The following HERC3 variants were observed in gnomAD, a reference collection of about 807,000 sequenced individuals.
The protein encoded by HERC3 is HECT and RLD domain containing E3 ubiquitin protein ligase 3.
HERC3 carries 58 observed loss-of-function variants against 129.9 expected under a neutral mutation model. That is an observed-to-expected ratio of 0.45 (90% CI 0.36 to 0.56). HERC3 has a LOEUF of 0.56. Ranked by LOEUF, HERC3 falls within the 20% of genes least tolerant of loss-of-function variation. The pLI is 0.00. For missense variants in HERC3, 835 were observed against 1,244.2 expected, an observed-to-expected ratio of 0.67 and a Z score of 4.95; for synonymous variants, 430 against 451.0, an observed-to-expected ratio of 0.95 and a Z score of 0.59.
chr4:88,708,373 C>T lies in HERC3; in HGVS notation c.*1413C>T, dbSNP rs1405368982. ...CTTGATGAAGGATTGTAGATTTTTG[C>T]TTTTTCTTTTTGTTTTTAAAACTTA... On this transcript the variant is annotated 3_prime_UTR_variant, in exon 26 of 26. Coordinates refer to ENST00000402738, the MANE Select transcript of HERC3 (RefSeq NM_014606.3). 6.6e-6 allele frequency: 1 copy of T among 152,272 alleles called. No homozygotes were observed. Among genetic ancestry groups the T allele is most frequent in the African/African-American group, 2.4e-5 (1 of 41,340 alleles). 9.4% of individuals were successfully genotyped at this position (152,272 alleles called of 1,614,324 possible). A position where few individuals can be genotyped will look rare whatever the true frequency, so the allele number is the denominator to read the frequency against.
intron 12 of HERC3, among the ~76,000 whole-genome samples, chr4:88,666,356 T>A (rs1208439620): frequency 2.0e-5 from 3 of 152,162 alleles, no homozygotes; most frequent in African/African-American, 7.2e-5. Context: ...TGTTTTTGTT[T>A]TCTCAACAGC....
intron 3 of HERC3, among the ~76,000 whole-genome samples, chr4:88,616,777 A>C (rs772949288): frequency 4.6e-5 from 7 of 152,056 alleles, no homozygotes; most frequent in Non-Finnish European, 8.8e-5. Context: ...CAATGAGTAA[A>C]ATTTATCATC....
intron 3 of HERC3, among the ~76,000 whole-genome samples, chr4:88,610,967 C>T (rs567987658): frequency 1.3e-5 from 2 of 152,322 alleles, no homozygotes; most frequent in African/African-American, 4.8e-5. Context: ...ATCCTGCAGA[C>T]GCCCTCCCCA....
At chr4:88,576,525 G>A in the HERC3 span, among the ~76,000 whole-genome samples, 1 of 152,090 alleles carries the variant, frequency 6.6e-6, no homozygotes, top group South Asian at 2.1e-4. Context: ...CTCTCCCAGG[G>A]ATGCTCTTCT....
chr4:88,670,432 T>C (rs763607376), intron 16 of HERC3, among the ~76,000 whole-genome samples, 180 bp downstream of exon 16: 2 of 152,212 alleles, frequency 1.3e-5, no homozygotes, highest in Admixed American at 6.5e-5. Flanking sequence ...TAAGGAGTCA[T>C]AAATGAGTAG....
At chr4:88,649,327 G>A (rs1017084485) in intron 3 of HERC3, among the ~76,000 whole-genome samples, 3 of 152,146 alleles carry the variant, frequency 2.0e-5, no homozygotes, top group African/African-American at 7.2e-5. Flanking sequence ...CCCAGAGAGA[G>A]ATCCTTCTGT....
chr4:88,551,121 T>C, the HERC3 span, among the ~76,000 whole-genome samples: 1 of 150,970 alleles, frequency 6.6e-6, no homozygotes, highest in Non-Finnish European at 1.5e-5. Flanking sequence ...TTACACCTTA[T>C]ACAAAAATTA....
At chr4:88,688,327 G>A (rs1003498741) in intron 23 of HERC3, among the ~76,000 whole-genome samples, 2 of 152,148 alleles carry the variant, frequency 1.3e-5, no homozygotes, top group Non-Finnish European at 2.9e-5. Context: ...CTTGAACGGC[G>A]CTTGGAGTAG....
intron 2 of HERC3, among the ~76,000 whole-genome samples, chr4:88,601,430 GA>G (rs1263406131): frequency 6.6e-6 from 1 of 152,210 alleles, no homozygotes; most frequent in Non-Finnish European, 1.5e-5. Flanking sequence ...TATCTTGGGA[GA>G]AAAGAGTTTG....
the HERC3 span, among the ~76,000 whole-genome samples, chr4:88,538,208 A>G: frequency 2.6e-5 from 4 of 152,202 alleles, no homozygotes; most frequent in Admixed American, 6.5e-5. Context: ...CATCGCAGTA[A>G]AGGAACCATG....
At chr4:88,698,685 C>T (rs562975046) in intron 23 of HERC3, among the ~76,000 whole-genome samples, 82 of 151,630 alleles carry the variant, frequency 5.4e-4, no homozygotes, top group African/African-American at 1.8e-3. Flanking sequence ...TCCCCCAACA[C>T]CGTCTGCTTC....
At chr4:88,548,298 A>G in the HERC3 span, among the ~76,000 whole-genome samples, 2 of 152,168 alleles carry the variant, frequency 1.3e-5, no homozygotes, top group Non-Finnish European at 2.9e-5. Context: ...CGGCTGCACC[A>G]TTTTATCTCT....
chr4:88,704,116 T>C lies in HERC3; in HGVS notation c.2676T>C (p.Ala892=). ...CKDNRQEFVD[A]YVNYVFQISV... is the part of the protein sequence containing the mutation. Reference sequence around the variant, plus strand: ...CTGGCAGGCAGGAATTTGTGGATGCTTATGTGAATTATGTCTTCCAAATCT... The same window carrying C: ...CTGGCAGGCAGGAATTTGTGGATGCCTATGTGAATTATGTCTTCCAAATCT... The change falls in exon 24 of 26, where the codon GCT becomes GCC. Residue 892 remains alanine (A), a synonymous_variant. Transcript: ENST00000402738. 6.2e-7 allele frequency: 1 copy of C among 1,613,880 alleles called. No individual in the cohort carries two copies. Among genetic ancestry groups the C allele is most frequent in the Non-Finnish European group, 8.5e-7 (1 of 1,179,914 alleles).
chr4:88,590,887 CT>C (rs11333423), upstream of HERC3, among the ~76,000 whole-genome samples: 18,089 of 137,554 alleles, frequency 0.13, 1,587 homozygotes, highest in African/African-American at 0.27. Flanking sequence ...CTTTTTCTTT[CT>C]TTTTTTTTTT....
At chr4:88,626,519 G>T (rs1210200789) in intron 3 of HERC3, among the ~76,000 whole-genome samples, 2 of 152,100 alleles carry the variant, frequency 1.3e-5, no homozygotes, top group African/African-American at 2.4e-5. Context: ...AAAATGGTAT[G>T]TTCAAGGTAT....
chr4:88,700,961 A>G (rs1011996804), intron 23 of HERC3, among the ~76,000 whole-genome samples: 1 of 152,178 alleles, frequency 6.6e-6, no homozygotes, highest in Non-Finnish European at 1.5e-5. Context: ...CTCAAAGTCA[A>G]TGAATTTAAA....
chr4:88,535,407 C>T, the HERC3 span, among the ~76,000 whole-genome samples: 33 of 152,302 alleles, frequency 2.2e-4, no homozygotes, highest in African/African-American at 7.5e-4. Flanking sequence ...CTGAAAAGTA[C>T]TTTAGTCACC....
At position 88,676,368 on chromosome 4, in the gene HERC3, T is replaced by G; in HGVS notation, c.1970T>G (p.Phe657Cys). ...ACACTTTGTTCCTACCCTTTCATCT[T>G]TGATGCCCAAGCCAAGACCAAAATG... ...TVTLCSYPFI[F>C]DAQAKTKMLQ... Residue 657 changes from phenylalanine (F) to cysteine (C), a missense_variant, in exon 18 of 26, where the codon TTT becomes TGT. By Grantham distance (205) the Phe-to-Cys change is radical. Coordinates refer to ENST00000402738, the MANE Select transcript of HERC3 (RefSeq NM_014606.3). 6.2e-7 allele frequency: 1 copy of G among 1,613,154 alleles called. No individual in the cohort carries two copies. The highest frequency in any genetic ancestry group is 8.5e-7 in the Non-Finnish European group (1 of 1,179,182).
chr4:88,549,320 T>TAA, the HERC3 span, among the ~76,000 whole-genome samples: 136 of 148,596 alleles, frequency 9.2e-4, no homozygotes, highest in Admixed American at 2.2e-3. Context: ...TAACTTTTTT[T>TAA]AAAAAAAAAA....
Sources: gnomAD v4.1 joint callset for allele counts (sites outside exome capture counted in the v4.1 genomes callset) on GRCh38, gnomAD v4.1.1 for gene constraint, MANE v1.5 for transcripts, NCBI Gene and HGNC (gene_info 2026-07-23, HGNC 2026-07-21) for gene names.